The following NID1 variants were observed in gnomAD, a reference collection of about 807,000 sequenced individuals.
NID1 encodes the protein nidogen 1.
A neutral mutation model predicts 130.6 loss-of-function variants in NID1; 76 were observed. The ratio of observed to expected loss-of-function variants is 0.58; its 90% CI spans 0.48 to 0.70. The LOEUF (loss-of-function observed/expected upper bound fraction) is 0.70. NID1 is among the 30% of genes least tolerant of loss of function. The probability of loss-of-function intolerance (pLI) is 0.00; values close to 1 mark genes in which losing one functional copy is unlikely to be tolerated. For missense variants in NID1, 1,517 were observed against 1,664.8 expected (o/e 0.91, Z 1.54); for synonymous variants, 665 against 675.1 (o/e 0.98, Z 0.23).
At position 236,012,008 on chromosome 1, in the gene NID1, C is replaced by T. The variant is rs1658441055; in HGVS notation, c.2440G>A (p.Asp814Asn). 2 of 1,614,112 alleles carry T rather than the reference C, an allele frequency of 1.2e-6. No individual in the cohort carries two copies. The highest frequency in any genetic ancestry group is 1.7e-6 in the Non-Finnish European group (2 of 1,179,932). ...DECQPSRCHP[D>N]AFCYNTPGSF... Reference sequence around the variant, plus strand: ...CCTGGAGTGTTGTAGCAGAAGGCGTCAGGGTGACATCGGCTTGGCTGGCAT... The same window carrying T: ...CCTGGAGTGTTGTAGCAGAAGGCGTTAGGGTGACATCGGCTTGGCTGGCAT... The change falls in exon 12 of 20, where the codon GAC (aspartate) becomes AAC (asparagine). Residue 814 changes from aspartate (D) to asparagine (N), a missense_variant. This residue lies in a region of NID1 where 1,329 missense variants were observed against 1,429.2 expected (regional missense o/e 0.93). Coordinates refer to ENST00000264187, the MANE Select transcript of NID1 (RefSeq NM_002508.3).
At chr1:236,017,978 C>T (rs575438265) in intron 9 of NID1, among the ~76,000 whole-genome samples, 51 of 152,104 alleles carry the variant, frequency 3.4e-4, no homozygotes, top group South Asian at 2.5e-3. Flanking sequence ...TGCTATTATT[C>T]GAAAATATTA....
chr1:235,994,199 G>T (rs1452132022), intron 12 of NID1, among the ~76,000 whole-genome samples: 1 of 152,236 alleles, frequency 6.6e-6, no homozygotes. Context: ...TTTCGCTCCT[G>T]TTGCCCAGGC....
rs1036912744 is a variant in NID1, at chr1:235,976,436, C to G, written c.*1431G>C. On this transcript the variant is annotated 3_prime_UTR_variant, in exon 20 of 20. Coordinates refer to ENST00000264187, the MANE Select transcript of NID1 (RefSeq NM_002508.3). ...TTATTGCTGTTCTTAAATTCCTTCC[C>G]CTACCACTTCCTCTTGGGCTTTTTT... The G allele has an allele frequency of 1.6e-4, 25 of 152,164 alleles. No homozygotes were observed. The highest frequency in any genetic ancestry group is 5.1e-4 in the African/African-American group (21 of 41,430). The allele number at this position is 152,164 out of a possible 1,614,324, so 9.4% of individuals were successfully genotyped here.
chr1:236,037,058 T>C (rs371165198), intron 5 of NID1, among the ~76,000 whole-genome samples: 2 of 151,958 alleles, frequency 1.3e-5, no homozygotes, highest in Admixed American at 6.6e-5. Context: ...GTGCACCGAG[T>C]GAACATTACC....
chr1:235,994,923 T>C (rs1246119268), intron 12 of NID1, among the ~76,000 whole-genome samples: 1 of 152,178 alleles, frequency 6.6e-6, no homozygotes, highest in East Asian at 1.9e-4. Context: ...CATCTCAAGC[T>C]TCTTGATAAC....
At position 236,012,012 on chromosome 1, in the gene NID1, G is replaced by T. The variant is rs1371561158; in HGVS notation, c.2436C>A (p.His812Gln). 1 of 1,613,946 alleles carries T rather than the reference G, an allele frequency of 6.2e-7. No individual in the cohort carries two copies. Among genetic ancestry groups the T allele is most frequent in the African/African-American group, 1.3e-5 (1 of 74,930 alleles). The change falls in exon 12 of 20, where the codon CAC becomes CAA. Residue 812 changes from histidine to glutamine, a missense_variant. By Grantham distance (24) the His-to-Gln change is conservative (BLOSUM62 0). Coordinates refer to ENST00000264187, the MANE Select transcript of NID1 (RefSeq NM_002508.3). ...GAGTGTTGTAGCAGAAGGCGTCAGG[G>T]TGACATCGGCTTGGCTGGCATTCAT... ...DVDECQPSRC[H>Q]PDAFCYNTPG... is the part of the protein sequence containing the mutation.
chr1:236,048,478 C>T (rs1659675233), intron 2 of NID1, among the ~76,000 whole-genome samples: 1 of 152,158 alleles, frequency 6.6e-6, no homozygotes, highest in African/African-American at 2.4e-5. Flanking sequence ...TGCTTTATGT[C>T]TACTTGTCAT....
At chr1:235,978,041 G>A in intron 19 of NID1, 53 bp from the exon 20 acceptor site, 1 of 1,595,258 alleles carries the variant, frequency 6.3e-7, no homozygotes, top group Non-Finnish European at 8.6e-7. Context: ...TGACTCCATA[G>A]CCATTTAAGA....
At chr1:236,064,030 C>T (rs946282404) in intron 1 of NID1, among the ~76,000 whole-genome samples, 2 of 152,214 alleles carry the variant, frequency 1.3e-5, no homozygotes, top group African/African-American at 2.4e-5. Flanking sequence ...GCTGCGTTTG[C>T]AGTTCCAACC....
At chr1:236,048,062 G>A (rs996291210) in intron 2 of NID1, among the ~76,000 whole-genome samples, 1 of 140,930 alleles carries the variant, frequency 7.1e-6, no homozygotes, top group African/African-American at 2.7e-5. Context: ...GGCCGGGCAT[G>A]GTGGCTCACG....
rs1278127880 is a variant in NID1, at chr1:235,977,128, T to C, written c.*739A>G. 1 of 152,198 alleles carries C rather than the reference T, an allele frequency of 6.6e-6. No homozygotes were observed. The highest frequency in any genetic ancestry group is 1.5e-5 in the Non-Finnish European group (1 of 68,026). 9.4% of individuals were successfully genotyped at this position (152,198 alleles called of 1,614,324 possible). A position where few individuals can be genotyped will look rare whatever the true frequency, so the allele number is the denominator to read the frequency against. ...ACCTACACCTTGAAATTCCTACCAT[T>C]GGACATTCTTTTGATTTAAGCCTTT... On this transcript the variant is annotated 3_prime_UTR_variant, in exon 20 of 20. Transcript: ENST00000264187.
chr1:235,993,969 A>C, intron 12 of NID1, 97 bp from the exon 13 acceptor site: 2 of 1,073,210 alleles, frequency 1.9e-6, no homozygotes, highest in South Asian at 1.5e-5. Flanking sequence ...GCTCAGAACC[A>C]CGAGGGCTGC....
intron 4 of NID1, among the ~76,000 whole-genome samples, chr1:236,038,615 A>C (rs998933524): frequency 6.6e-6 from 1 of 151,518 alleles, no homozygotes. Context: ...TAGTGAGAAC[A>C]ATGAGCTTCA....
Position 236,050,658 on chromosome 1 carries a change from T to C in NID1, c.226-1669A>G, listed in dbSNP as rs535668172. Among the ~76,000 whole-genome samples, 7 of 150,540 alleles carry C rather than the reference T, an allele frequency of 4.6e-5. No individual in the cohort carries two copies. The East Asian group carries it at 1.4e-3, about 29-fold the overall frequency. On this transcript the variant is annotated intron_variant, in intron 1 of 19. Transcript: ENST00000264187. ...TACTGTGGCAAACAGCCCCTTGGAGTGGGGGCACTCAGGCTCACCAGTGAA... is the reference window on the plus strand; with the variant it reads ...TACTGTGGCAAACAGCCCCTTGGAGCGGGGGCACTCAGGCTCACCAGTGAA...
chr1:236,061,804 C>T (rs560775298), intron 1 of NID1, among the ~76,000 whole-genome samples: 4 of 152,040 alleles, frequency 2.6e-5, no homozygotes, highest in African/African-American at 9.6e-5. Flanking sequence ...GAAACACAAA[C>T]GGCCAATGAG....
chr1:236,013,672 C>T, intron 10 of NID1, 112 bp from the exon 11 acceptor site: 2 of 1,238,044 alleles, frequency 1.6e-6, no homozygotes, highest in Non-Finnish European at 2.3e-6. Flanking sequence ...GACCTCTAGG[C>T]ATGTCCACAG....
intron 9 of NID1, among the ~76,000 whole-genome samples, chr1:236,019,034 A>T (rs757868245): frequency 6.6e-6 from 1 of 152,172 alleles, no homozygotes. Flanking sequence ...CCCAAACCAA[A>T]TGCTCTTCAA....
intron 12 of NID1, among the ~76,000 whole-genome samples, chr1:236,000,960 T>A (rs1177256016): frequency 6.6e-6 from 1 of 152,138 alleles, no homozygotes; most frequent in East Asian, 1.9e-4. Context: ...TTATTCAGCA[T>A]CTTCCTGCAC....
chr1:235,978,666 T>C (rs1657343069), intron 19 of NID1, among the ~76,000 whole-genome samples: 1 of 152,198 alleles, frequency 6.6e-6, no homozygotes. Context: ...ATTATTGTTA[T>C]TGCTGTTAGG....
Sources: gnomAD v4.1 joint callset for allele counts (sites outside exome capture counted in the v4.1 genomes callset) on GRCh38, gnomAD v4.1.1 for gene constraint, gnomAD v4.1.1 regional missense constraint, MANE v1.5 for transcripts, NCBI Gene and HGNC (gene_info 2026-07-23, HGNC 2026-07-21) for gene names.